The following RPS9 variants were observed in gnomAD, a reference collection of about 807,000 sequenced individuals.
RPS9 encodes ribosomal protein S9.
In RPS9, 1 loss-of-function variant was observed where a neutral mutation model predicts 16.9. The observed-to-expected ratio is 0.06, with a 90% CI of 0.02 to 0.28. The LOEUF (loss-of-function observed/expected upper bound fraction) is 0.28. Among genes scored for constraint, RPS9 ranks in the 10% least tolerant of loss-of-function variants. The probability of loss-of-function intolerance (pLI) is 1.00; values close to 1 mark genes in which losing one functional copy is unlikely to be tolerated. For missense variants in RPS9, 137 were observed against 273.2 expected, an observed-to-expected ratio of 0.50 and a Z score of 3.51; for synonymous variants, 106 against 110.9, an observed-to-expected ratio of 0.96 and a Z score of 0.28.
intron 3 of RPS9, 125 bp downstream of exon 3, chr19:54,201,734 T>A (rs1387891602): frequency 1.3e-6 from 2 of 1,485,632 alleles, no homozygotes; most frequent in Non-Finnish European, 1.8e-6. Context: ...GCCTTCTAAC[T>A]TTTAGTGGCA....
intron 4 of RPS9, 196 bp downstream of exon 4, chr19:54,206,658 A>G (rs2077252459): frequency 3.2e-6 from 5 of 1,548,894 alleles, no homozygotes; most frequent in Non-Finnish European, 4.4e-6. Context: ...GCCCAGCGCA[A>G]GGGTCACTGC....
intron 3 of RPS9, among the ~76,000 whole-genome samples, chr19:54,205,822 A>ATTGTT (rs1170345471): frequency 6.6e-6 from 1 of 151,816 alleles, no homozygotes; most frequent in Non-Finnish European, 1.5e-5. Context: ...GGTTTTTTGT[A>ATTGTT]TTGTTTTGTT....
chr19:54,204,331 C>T (rs534434378), intron 3 of RPS9, among the ~76,000 whole-genome samples: 1 of 152,234 alleles, frequency 6.6e-6, no homozygotes, highest in Admixed American at 6.5e-5. Context: ...CGCCATTGCA[C>T]TCCAGCCTGG....
At chr19:54,203,999 T>C (rs1242252524) in intron 3 of RPS9, among the ~76,000 whole-genome samples, 1 of 152,194 alleles carries the variant, frequency 6.6e-6, no homozygotes, top group Non-Finnish European at 1.5e-5. Flanking sequence ...GTGTAAGGTT[T>C]ATTGTGCTGT....
In RPS9 at chr19:54,207,468, T is replaced by C; in HGVS notation, c.478T>C (p.Ser160Pro). The C allele has an allele frequency of 6.2e-7, 1 of 1,613,684 alleles. No individual in the cohort carries two copies. The highest frequency in any genetic ancestry group is 8.5e-7 in the Non-Finnish European group (1 of 1,180,014). The change falls in exon 5 of 5, where the codon TCT becomes CCT. Residue 160 changes from serine to proline, a missense_variant. Ser to Pro is a moderately conservative substitution (Grantham distance 74). Transcript: ENST00000302907. ...RLDSQKHIDF[S>P]LRSPYGGGRP... ...GGATTCCCAGAAGCACATCGACTTC[T>C]CTCTGCGCTCTCCCTACGGGGGTGG...
At chr19:54,206,741 T>TC (rs2077255101) in intron 4 of RPS9, 1 of 1,465,120 alleles carries the variant, frequency 6.8e-7, no homozygotes, top group African/African-American at 1.4e-5. Flanking sequence ...GCTCTTGGTG[T>TC]CCCCAGTGGA....
intron 3 of RPS9, chr19:54,203,383 C>G (rs1016201348): frequency 1.6e-5 from 13 of 825,478 alleles, no homozygotes; most frequent in African/African-American, 3.7e-5. Context: ...CAGATCCTGC[C>G]TTTCCCACTA....
chr19:54,202,408 T>G (rs1302817097), intron 3 of RPS9: 1 of 984,232 alleles, frequency 1.0e-6, no homozygotes, highest in South Asian at 4.7e-5. Context: ...TGGTGCTTGT[T>G]TTTTTAAGCT....
At position 54,207,582 on chromosome 19, in the gene RPS9, C is replaced by T. The variant is rs1392981680; in HGVS notation, c.*7C>T. 3 of 1,599,376 alleles carry T rather than the reference C, an allele frequency of 1.9e-6. No individual in the cohort carries two copies. The highest frequency in any genetic ancestry group is 1.1e-5 in the South Asian group (1 of 89,602). Reference sequence around the variant, plus strand: ...CGACGAGGAGGAGGATTAAGTCCACCTGTCCCTCCTGGGCTGCTGGATTGT... The same window carrying T: ...CGACGAGGAGGAGGATTAAGTCCACTTGTCCCTCCTGGGCTGCTGGATTGT... On this transcript the variant is annotated 3_prime_UTR_variant, in exon 5 of 5. Transcript: ENST00000302907.
At chr19:54,201,845 A>C (rs2077065188) in intron 3 of RPS9, 1 of 813,102 alleles carries the variant, frequency 1.2e-6, no homozygotes, top group Non-Finnish European at 1.8e-6. Context: ...AGTAATGACC[A>C]GAGCTAAAGA....
chr19:54,202,632 T>TA, intron 3 of RPS9: 2 of 985,376 alleles, frequency 2.0e-6, no homozygotes, highest in Non-Finnish European at 2.4e-6. Flanking sequence ...GATGCGGTGT[T>TA]ATTGGAGTGC....
intron 3 of RPS9, among the ~76,000 whole-genome samples, chr19:54,206,045 C>T (rs1351096918): frequency 2.6e-5 from 4 of 152,158 alleles, no homozygotes; most frequent in African/African-American, 9.7e-5. Context: ...CTCTCAAACT[C>T]CTGACCTCAA....
At chr19:54,201,705 C>T (rs2077059113) in intron 3 of RPS9, 96 bp downstream of exon 3, 3 of 1,553,910 alleles carry the variant, frequency 1.9e-6, no homozygotes, top group African/African-American at 2.7e-5. Flanking sequence ...AGAGTTGTGT[C>T]ATTGGATAAA....
At position 54,205,391 on chromosome 19, in the gene RPS9, G is replaced by A. The variant is rs190170238; in HGVS notation, c.221-885G>A. ...GATATTTTATGCAGTGCATTGTTAG[G>A]TTATATACATACTAGATATATTTTT... On this transcript the variant is annotated intron_variant, in intron 3 of 4. Transcript: ENST00000302907. Among the ~76,000 whole-genome samples, 502 of 151,258 alleles carry A rather than the reference G, an allele frequency of 3.3e-3. 7 individuals are homozygous for A. Among genetic ancestry groups the A allele is most frequent in the South Asian group, 0.015 (73 of 4,780 alleles).
intron 4 of RPS9, chr19:54,206,970 GTA>G: frequency 2.2e-6 from 1 of 454,792 alleles, no homozygotes; most frequent in South Asian, 2.8e-5. Flanking sequence ...CCTGTGAGCC[GTA>G]GGCAGAGCCT....
At chr19:54,201,696 G>C in intron 3 of RPS9, 87 bp downstream of exon 3, 3 of 1,568,954 alleles carry the variant, frequency 1.9e-6, no homozygotes, top group Non-Finnish European at 2.6e-6. Context: ...CCAGTGATGA[G>C]AGTTGTGTCA....
intron 2 of RPS9, 46 bp downstream of exon 2, chr19:54,201,327 G>T (rs747365892): frequency 6.2e-7 from 1 of 1,613,508 alleles, no homozygotes; most frequent in Non-Finnish European, 8.5e-7. Flanking sequence ...TCCGGGAGGC[G>T]GTTAGCACGT....
intron 3 of RPS9, 128 bp from the exon 4 acceptor site, chr19:54,206,148 G>A: frequency 3.4e-6 from 3 of 871,844 alleles, no homozygotes; most frequent in East Asian, 2.7e-5. Flanking sequence ...CATGGGTCAC[G>A]GTGATGGCGC....
At chr19:54,203,771 T>TCCCCCCCCCCCCCCCCC (rs11439192) in intron 3 of RPS9, among the ~76,000 whole-genome samples, 3 of 111,568 alleles carry the variant, frequency 2.7e-5, no homozygotes, top group African/African-American at 9.0e-5. Flanking sequence ...CAACACGAAC[T>TCCCCCCCCCCCCCCCCC]CCCCCCCCAC....
Sources: gnomAD v4.1 joint callset for allele counts (sites outside exome capture counted in the v4.1 genomes callset) on GRCh38, gnomAD v4.1.1 for gene constraint, MANE v1.5 for transcripts, NCBI Gene and HGNC (gene_info 2026-07-23, HGNC 2026-07-21) for gene names.